KDM4C: variants seen among roughly 807,000 people sequenced by gnomAD.
KDM4C encodes lysine-specific demethylase 4C.
In KDM4C, 81 loss-of-function variants were observed where a neutral mutation model predicts 129.3. The ratio of observed to expected loss-of-function variants is 0.63; its 90% CI spans 0.52 to 0.75. The LOEUF is 0.75. KDM4C is among the 30% of genes least tolerant of loss of function. The probability of loss-of-function intolerance (pLI) is 0.00; values close to 1 mark genes in which losing one functional copy is unlikely to be tolerated. For missense variants in KDM4C, 1,457 were observed against 1,304.0 expected, an observed-to-expected ratio of 1.12 and a Z score of -1.81; for synonymous variants, 573 against 456.1, an observed-to-expected ratio of 1.26 and a Z score of -3.26.
In KDM4C at chr9:6,820,839, T is replaced by A. The variant is rs564313408; in HGVS notation, c.435+6094T>A. 5.3e-5 allele frequency among the ~76,000 whole-genome samples: 8 copies of A among 151,988 alleles called. No homozygotes were observed. The East Asian group carries it at 1.5e-3, about 29-fold the overall frequency. On this transcript the variant is annotated intron_variant, in intron 4 of 21. Coordinates refer to ENST00000381309, the MANE Select transcript of KDM4C (RefSeq NM_015061.6). ...GCACCCATCAACTCATCATTCACAG[T>A]AGATATTTCTCCTAATGCTATCCCT...
intron 6 of KDM4C, among the ~76,000 whole-genome samples, chr9:6,886,811 C>T (rs1360966708): frequency 6.6e-6 from 1 of 151,716 alleles, no homozygotes; most frequent in Non-Finnish European, 1.5e-5. Flanking sequence ...TAGTAGAACC[C>T]GGGTTTTGCT....
chr9:7,042,189 C>G (rs1177442843), intron 15 of KDM4C, among the ~76,000 whole-genome samples: 1 of 152,010 alleles, frequency 6.6e-6, no homozygotes, highest in Non-Finnish European at 1.5e-5. Flanking sequence ...GATAAAGTAT[C>G]TGAGGCACAG....
chr9:6,738,098 A>G (rs1233413582), intron 1 of KDM4C, among the ~76,000 whole-genome samples: 3 of 151,756 alleles, frequency 2.0e-5, no homozygotes, highest in Non-Finnish European at 2.9e-5. Context: ...ACACCATTGC[A>G]CTCCAGCCTG....
In KDM4C at chr9:6,995,994, AT is replaced by A. The variant is rs199666110; in HGVS notation, c.1786+5473del. Among the ~76,000 whole-genome samples the A allele has an allele frequency of 6.7e-3, 1,015 of 152,286 alleles. 10 individuals carry two copies. The highest frequency in any genetic ancestry group is 0.023 in the African/African-American group (965 of 41,556). On this transcript the variant is annotated intron_variant, in intron 12 of 21. Transcript: ENST00000381309. Reference sequence around the variant, plus strand: ...TGCAGGTTTTAAGTTTTAAAAATATATTTAGGGGGTACAAGTTCAGATTTAT... The same window carrying A: ...TGCAGGTTTTAAGTTTTAAAAATATATTAGGGGGTACAAGTTCAGATTTAT...
chr9:6,940,397 G>A (rs576026083), intron 8 of KDM4C, among the ~76,000 whole-genome samples: 16 of 152,248 alleles, frequency 1.1e-4, no homozygotes, highest in Non-Finnish European at 1.8e-4. Flanking sequence ...AACAATTATT[G>A]CCCGCTGTTG....
At chr9:7,054,736 T>TA (rs1830641317) in intron 17 of KDM4C, among the ~76,000 whole-genome samples, 1 of 152,228 alleles carries the variant, frequency 6.6e-6, no homozygotes, top group African/African-American at 2.4e-5. Flanking sequence ...TCCTGCAGCT[T>TA]AAATTAATTA....
chr9:6,904,122 C>T (rs1300048926), intron 8 of KDM4C, among the ~76,000 whole-genome samples: 3 of 151,924 alleles, frequency 2.0e-5, no homozygotes, highest in Non-Finnish European at 4.4e-5. Context: ...ACATGTAATC[C>T]CAGCTACTTG....
intron 8 of KDM4C, among the ~76,000 whole-genome samples, chr9:6,955,524 A>G (rs921310048): frequency 6.6e-6 from 1 of 152,066 alleles, no homozygotes; most frequent in Non-Finnish European, 1.5e-5. Flanking sequence ...CAGCCCTCTT[A>G]TTGTGTTGCC....
intron 18 of KDM4C, among the ~76,000 whole-genome samples, chr9:7,109,748 C>T (rs79867515): frequency 7.2e-5 from 11 of 152,234 alleles, no homozygotes; most frequent in African/African-American, 2.6e-4. Context: ...TTCTTGCTCC[C>T]CTTGGACCTT....
intron 4 of KDM4C, among the ~76,000 whole-genome samples, chr9:6,830,681 G>T (rs1335261592): frequency 1.1e-4 from 17 of 152,172 alleles, no homozygotes; most frequent in Admixed American, 1.1e-3. Flanking sequence ...AAGGAATAAT[G>T]TGCCTATGTG....
At chr9:6,736,896 A>G (rs534098319) in intron 1 of KDM4C, among the ~76,000 whole-genome samples, 2 of 152,090 alleles carry the variant, frequency 1.3e-5, no homozygotes, top group Admixed American at 1.3e-4. Context: ...ACAAAAAAAT[A>G]CAAAATTAGC....
chr9:6,860,685 A>G (rs1320912673), intron 5 of KDM4C, among the ~76,000 whole-genome samples: 1 of 152,220 alleles, frequency 6.6e-6, no homozygotes, highest in African/African-American at 2.4e-5. Flanking sequence ...CAGCTTCTGA[A>G]GGCTGTAACA....
intron 8 of KDM4C, among the ~76,000 whole-genome samples, chr9:6,979,359 G>C (rs1200993002): frequency 6.6e-6 from 1 of 152,204 alleles, no homozygotes; most frequent in African/African-American, 2.4e-5. Flanking sequence ...TCAGAGCCGA[G>C]GATGAAGTTT....
intron 17 of KDM4C, among the ~76,000 whole-genome samples, chr9:7,050,239 G>A (rs1489292417): frequency 6.6e-6 from 1 of 151,128 alleles, no homozygotes; most frequent in East Asian, 1.9e-4. Flanking sequence ...TGGAACTGAT[G>A]ATTACTGTGG....
At chr9:6,854,776 T>A (rs1839504189) in intron 5 of KDM4C, among the ~76,000 whole-genome samples, 1 of 152,240 alleles carries the variant, frequency 6.6e-6, no homozygotes, top group South Asian at 2.1e-4. Context: ...TTATTCAGGA[T>A]AGATACACAT....
chr9:6,790,821 T>G (rs1826431964), intron 1 of KDM4C, among the ~76,000 whole-genome samples: 1 of 152,136 alleles, frequency 6.6e-6, no homozygotes, highest in African/African-American at 2.4e-5. Context: ...GCATTCTGTG[T>G]GCCTGTCTCA....
intron 8 of KDM4C, among the ~76,000 whole-genome samples, chr9:6,938,099 A>C (rs561663748): frequency 1.3e-5 from 2 of 152,288 alleles, no homozygotes; most frequent in East Asian, 3.9e-4. Context: ...GGGACAGAAT[A>C]ATTTAGTACT....
chr9:7,058,648 C>T (rs1564059286), intron 17 of KDM4C, among the ~76,000 whole-genome samples: 1 of 152,138 alleles, frequency 6.6e-6, no homozygotes, highest in Non-Finnish European at 1.5e-5. Flanking sequence ...AAAAAAAAGC[C>T]AGTTTCACTT....
rs1827159069 is a variant in KDM4C, at chr9:6,947,362, T to G, written c.922-33563T>G. On this transcript the variant is annotated intron_variant, in intron 8 of 21. Transcript: ENST00000381309. ...TAGTCATTTTATGTTTTTAAAATTC[T>G]TTCCTTTTTGTCCTTTATATTTCAT... Among the ~76,000 whole-genome samples, 2 of 152,200 alleles carry G rather than the reference T, an allele frequency of 1.3e-5. 1 individual carries two copies. The highest frequency in any genetic ancestry group is 3.8e-4 in the East Asian group (2 of 5,200).
Sources: allele counts gnomAD v4.1 joint callset (sites outside exome capture counted in the v4.1 genomes callset), GRCh38; gene constraint gnomAD v4.1.1; transcripts MANE v1.5; gene names NCBI Gene and HGNC (gene_info 2026-07-23, HGNC 2026-07-21).